Variants in ZNF385D observed in about 807,000 individuals in gnomAD.
The protein encoded by ZNF385D is zinc finger protein 659.
In ZNF385D, 15 loss-of-function variants were observed where a neutral mutation model predicts 35.8. The ratio of observed to expected loss-of-function variants is 0.42; its 90% confidence interval spans 0.28 to 0.64. The LOEUF is 0.64. ZNF385D is among the 30% of genes least tolerant of loss of function. The pLI is 0.23. For missense variants in ZNF385D, 474 were observed against 494.6 expected, an observed-to-expected ratio of 0.96 and a Z score of 0.39; for synonymous variants, 212 against 186.8, an observed-to-expected ratio of 1.13 and a Z score of -1.10.
intron 7 of ZNF385D, among the ~76,000 whole-genome samples, chr3:21,422,678 G>T (rs929801448): frequency 1.3e-5 from 2 of 152,174 alleles, no homozygotes; most frequent in African/African-American, 4.8e-5. Flanking sequence ...TGAGAGGTTG[G>T]TTCAACATAT....
chr3:22,194,875 A>G (rs971172170), intron 2 of ZNF385D, among the ~76,000 whole-genome samples: 4 of 151,888 alleles, frequency 2.6e-5, no homozygotes, highest in Non-Finnish European at 5.9e-5. Flanking sequence ...AGATACCACA[A>G]TTTGCATATT....
chr3:21,703,907 G>T (rs1398515754), intron 1 of ZNF385D, among the ~76,000 whole-genome samples: 1 of 152,158 alleles, frequency 6.6e-6, no homozygotes, highest in African/African-American at 2.4e-5. Flanking sequence ...CACTATGCAA[G>T]TATTCCTTTA....
chr3:22,349,038 T>C (rs193112295), intron 2 of ZNF385D, among the ~76,000 whole-genome samples: 2 of 152,360 alleles, frequency 1.3e-5, no homozygotes, highest in Admixed American at 1.3e-4. Flanking sequence ...CAATTAATTT[T>C]ACTATAAAAT....
chr3:21,472,768 A>G (rs113347022), intron 4 of ZNF385D, among the ~76,000 whole-genome samples: 11 of 152,096 alleles, frequency 7.2e-5, no homozygotes, highest in African/African-American at 2.7e-4. Flanking sequence ...CTGTCTAAAT[A>G]AGGCAAATGA....
intron 2 of ZNF385D, among the ~76,000 whole-genome samples, chr3:21,662,381 C>A (rs1227485078): frequency 6.6e-6 from 1 of 152,224 alleles, no homozygotes; most frequent in Middle Eastern, 3.4e-3. Flanking sequence ...AGTCCAAAAC[C>A]TTAGCATACC....
At chr3:21,723,992 T>A (rs2068648700) in intron 1 of ZNF385D, among the ~76,000 whole-genome samples, 1 of 152,162 alleles carries the variant, frequency 6.6e-6, no homozygotes, top group Non-Finnish European at 1.5e-5. Flanking sequence ...TGGGGGCCAA[T>A]ATTCAACATT....
At chr3:21,488,346 GACAC>G (rs4045132) in intron 4 of ZNF385D, among the ~76,000 whole-genome samples, 28 of 150,642 alleles carry the variant, frequency 1.9e-4, no homozygotes, top group African/African-American at 5.8e-4. Context: ...CAGACACACA[GACAC>G]ACACACACAC....
chr3:21,692,394 T>G (rs900321575), intron 1 of ZNF385D, among the ~76,000 whole-genome samples: 1 of 152,150 alleles, frequency 6.6e-6, no homozygotes, highest in Non-Finnish European at 1.5e-5. Context: ...TCGGTTAAGC[T>G]TTTCTCTCTC....
intron 3 of ZNF385D, among the ~76,000 whole-genome samples, chr3:21,840,979 G>C (rs1352451094): frequency 6.6e-6 from 1 of 151,974 alleles, no homozygotes; most frequent in Non-Finnish European, 1.5e-5. Flanking sequence ...ATCTGGGTTG[G>C]TCAATTTAGC....
At chr3:21,604,468 T>C (rs896703372) in intron 2 of ZNF385D, among the ~76,000 whole-genome samples, 1 of 152,210 alleles carries the variant, frequency 6.6e-6, no homozygotes, top group African/African-American at 2.4e-5. Context: ...GGCAGTGCTA[T>C]GCTAAGAGGA....
intron 3 of ZNF385D, among the ~76,000 whole-genome samples, chr3:21,834,369 C>T (rs1426387335): frequency 6.6e-6 from 1 of 152,114 alleles, no homozygotes; most frequent in Admixed American, 6.6e-5. Context: ...CCAAGGAAAC[C>T]ATTTGTTCAA....
chr3:21,570,374 G>A (rs549025990), intron 2 of ZNF385D, among the ~76,000 whole-genome samples: 2 of 152,298 alleles, frequency 1.3e-5, no homozygotes, highest in Admixed American at 1.3e-4. Context: ...AGCAGCCGCA[G>A]CTCAAGGTTC....
At chr3:21,581,975 G>C (rs2063681968) in intron 2 of ZNF385D, among the ~76,000 whole-genome samples, 10 of 152,128 alleles carry the variant, frequency 6.6e-5, no homozygotes, top group Admixed American at 6.6e-4. Context: ...TTTTTTACCA[G>C]ATGTTTCCAA....
At chr3:22,194,655 T>G (rs1696284697) in intron 2 of ZNF385D, among the ~76,000 whole-genome samples, 2 of 151,904 alleles carry the variant, frequency 1.3e-5, no homozygotes, top group African/African-American at 4.8e-5. Context: ...CTTGTGTTAT[T>G]CATTTGTAGG....
chr3:21,929,947 T>C lies in ZNF385D; in HGVS notation c.325+238870A>G, dbSNP rs375532107. Among the ~76,000 whole-genome samples the C allele has an allele frequency of 2.8e-4, 43 of 152,184 alleles. No individual in the cohort carries two copies. The East Asian group carries it at 7.3e-3, about 26-fold the overall frequency. On this transcript the variant is annotated intron_variant, in intron 3 of 5. Coordinates refer to the ZNF385D transcript ENST00000494108. Reference sequence around the variant, plus strand: ...GGATTTCTGTAGAAATTGCCAAGCTTATCCTAAAATTCATATGGGAATACA... The same window carrying C: ...GGATTTCTGTAGAAATTGCCAAGCTCATCCTAAAATTCATATGGGAATACA...
chr3:21,664,808 G>A, intron 2 of ZNF385D, 78 bp downstream of exon 2: 1 of 1,590,226 alleles, frequency 6.3e-7, no homozygotes. Flanking sequence ...TGGAGGCAGT[G>A]GCCGAACCAA....
intron 3 of ZNF385D, among the ~76,000 whole-genome samples, chr3:22,015,242 T>A (rs979932073): frequency 6.6e-6 from 1 of 152,192 alleles, no homozygotes; most frequent in Non-Finnish European, 1.5e-5. Flanking sequence ...CAGCACTTTA[T>A]CAATTTATAA....
At chr3:22,013,776 C>G (rs746687955) in intron 3 of ZNF385D, among the ~76,000 whole-genome samples, 1 of 152,200 alleles carries the variant, frequency 6.6e-6, no homozygotes, top group Non-Finnish European at 1.5e-5. Flanking sequence ...CATCAGGGAG[C>G]ATCTGGATCC....
At chr3:22,372,615 G>T in exon 2 of ZNF385D, 1 of 693,454 alleles carries the variant, frequency 1.4e-6, no homozygotes, top group Non-Finnish European at 1.8e-6. Flanking sequence ...CCCGCCTGCA[G>T]CTTCAACGGC....
Sources: gnomAD v4.1 joint callset for allele counts (sites outside exome capture counted in the v4.1 genomes callset) on GRCh38, gnomAD v4.1.1 for gene constraint, MANE v1.5 for transcripts, NCBI Gene and HGNC (gene_info 2026-07-23, HGNC 2026-07-21) for gene names.